Variants in SASH1 observed in about 807,000 individuals in gnomAD.
SASH1 encodes SAM and SH3 domain-containing protein 1.
SASH1 carries 44 observed loss-of-function variants against 125.2 expected under a neutral mutation model. That is an observed-to-expected ratio of 0.35 (90% CI 0.28 to 0.45). SASH1 has a LOEUF of 0.45. Among genes scored for constraint, SASH1 ranks in the 20% least tolerant of loss-of-function variants. SASH1 has a pLI of 1.00. For missense variants in SASH1, 1,426 were observed against 1,614.5 expected (o/e 0.88, Z 2.00); for synonymous variants, 639 against 649.1 (o/e 0.98, Z 0.24).
rs898780860 is a variant in SASH1 at position 148,460,124 on chromosome 6, T to G, written c.387-8421T>G. On this transcript the variant is annotated intron_variant, in intron 4 of 19. Transcript: ENST00000367467. ...AATGTTTAGTTACCTACAACCTCCA[T>G]ATGTCTAATGCAATTAGCAGGGGAT... Among the ~76,000 whole-genome samples the G allele has an allele frequency of 9.2e-5, 14 of 152,236 alleles. No individual in the cohort carries two copies. The East Asian group carries it at 2.7e-3, about 29-fold the overall frequency.
chr6:148,244,903 C>CAT, the SASH1 span, among the ~76,000 whole-genome samples: 1 of 78,236 alleles, frequency 1.3e-5, no homozygotes, highest in African/African-American at 5.6e-5. Context: ...AGGCCTGGGG[C>CAT]ATGTGTGTGT....
chr6:148,494,834 G>A (rs1431203942), intron 8 of SASH1, among the ~76,000 whole-genome samples: 7 of 152,266 alleles, frequency 4.6e-5, no homozygotes, highest in African/African-American at 1.2e-4. Flanking sequence ...ACAGAATGCC[G>A]TGGAGCTATT....
chr6:148,325,316 C>A (rs1489814987), intron 1 of SASH1, among the ~76,000 whole-genome samples: 1 of 151,090 alleles, frequency 6.6e-6, no homozygotes. Context: ...TACTCTGTTG[C>A]CCAGGCTGGA....
the SASH1 span, among the ~76,000 whole-genome samples, chr6:148,206,633 TA>T: frequency 6.6e-6 from 1 of 151,808 alleles, no homozygotes; most frequent in Non-Finnish European, 1.5e-5. Context: ...CTACTAAAAA[TA>T]CAAAAATTTG....
intron 2 of SASH1, among the ~76,000 whole-genome samples, chr6:148,397,028 A>AT (rs935536131): frequency 1.1e-4 from 17 of 152,174 alleles, no homozygotes; most frequent in Admixed American, 5.2e-4. Flanking sequence ...GAGTGCAGGG[A>AT]TTTTTTTAAT....
At chr6:148,369,966 C>CAAAAA (rs562924566) in intron 1 of SASH1, among the ~76,000 whole-genome samples, 60 of 93,542 alleles carry the variant, frequency 6.4e-4, no homozygotes, top group South Asian at 8.8e-4. Context: ...AAAAGAAAAA[C>CAAAAA]AAAAAAAAAA....
At chr6:148,311,110 C>CT (rs397951692) in intron 1 of SASH1, among the ~76,000 whole-genome samples, 1 of 79,804 alleles carries the variant, frequency 1.3e-5, no homozygotes, top group Non-Finnish European at 2.7e-5. Flanking sequence ...TTTTTTCTTT[C>CT]TTTTTTTTCC....
At chr6:148,403,279 TA>T (rs994268964) in intron 2 of SASH1, among the ~76,000 whole-genome samples, 9 of 151,598 alleles carry the variant, frequency 5.9e-5, no homozygotes, top group African/African-American at 2.2e-4. Context: ...AGAATATATA[TA>T]TATTTTAAGA....
chr6:148,291,626 T>C (rs1779635074), intron 1 of SASH1, among the ~76,000 whole-genome samples: 1 of 152,042 alleles, frequency 6.6e-6, no homozygotes, highest in African/African-American at 2.4e-5. Context: ...CAATGCTGCA[T>C]TGAGTTGTGA....
chr6:148,309,667 T>TAAA (rs34084896), intron 1 of SASH1, among the ~76,000 whole-genome samples: 1 of 138,902 alleles, frequency 7.2e-6, no homozygotes, highest in Non-Finnish European at 1.6e-5. Context: ...CATGTTGCTT[T>TAAA]AAAAAAAAAA....
intron 1 of SASH1, among the ~76,000 whole-genome samples, chr6:148,336,948 G>C (rs575647196): frequency 6.6e-6 from 1 of 152,276 alleles, no homozygotes; most frequent in South Asian, 2.1e-4. Flanking sequence ...ATTACATTTC[G>C]TATGTTGACA....
chr6:148,455,386 T>C (rs1248994398), intron 4 of SASH1, among the ~76,000 whole-genome samples: 1 of 152,208 alleles, frequency 6.6e-6, no homozygotes, highest in South Asian at 2.1e-4. Context: ...GCTGTTCAGC[T>C]GATGTGGGTA....
At chr6:148,236,013 TA>T in the SASH1 span, among the ~76,000 whole-genome samples, 1 of 152,168 alleles carries the variant, frequency 6.6e-6, no homozygotes, top group African/African-American at 2.4e-5. Context: ...TCATTATGAA[TA>T]TTAGGATTCA....
chr6:148,421,169 G>GAAAGAAAGAAAGAAAGAAAA (rs1562396505), intron 2 of SASH1, among the ~76,000 whole-genome samples: 11 of 124,936 alleles, frequency 8.8e-5, no homozygotes, highest in African/African-American at 2.5e-4. Flanking sequence ...AAGAAAGAAA[G>GAAAGAAAGAAAGAAAGAAAA]AAAGAAAGAA....
At position 148,484,581 on chromosome 6, in the gene SASH1, T is replaced by TA. The variant is rs1163560702; in HGVS notation, c.628-3023dup. On this transcript the variant is annotated intron_variant, in intron 7 of 19. Coordinates refer to ENST00000367467, the MANE Select transcript of SASH1 (RefSeq NM_015278.5). The stretch of plus-strand genomic sequence containing the variant: ...TTTTTTTTTTCCTGTGCAGTGCACT[T>TA]AAAAAAAAAATAGAGAGCTTGTTTT... Among the ~76,000 whole-genome samples the TA allele has an allele frequency of 1.8e-3, 267 of 147,840 alleles. 2 individuals carry two copies. Among genetic ancestry groups the TA allele is most frequent in the African/African-American group, 5.8e-3 (236 of 40,500 alleles).
the SASH1 span, among the ~76,000 whole-genome samples, chr6:148,206,368 C>G: frequency 6.6e-6 from 1 of 152,098 alleles, no homozygotes; most frequent in Non-Finnish European, 1.5e-5. Context: ...TTCACTAGTA[C>G]TAGTTTTCAT....
chr6:148,521,358 A>C (rs1031868820), intron 10 of SASH1, among the ~76,000 whole-genome samples: 1 of 152,248 alleles, frequency 6.6e-6, no homozygotes, highest in Non-Finnish European at 1.5e-5. Flanking sequence ...CTTCCCGTTC[A>C]TGAACAGGAT....
intron 2 of SASH1, among the ~76,000 whole-genome samples, chr6:148,410,076 G>T (rs1010574619): frequency 6.8e-6 from 1 of 147,298 alleles, no homozygotes; most frequent in Admixed American, 6.8e-5. Context: ...ATTGAACTAG[G>T]TAGGGTGTTT....
At chr6:148,451,545 C>G (rs2115043149) in intron 4 of SASH1, among the ~76,000 whole-genome samples, 1 of 152,120 alleles carries the variant, frequency 6.6e-6, no homozygotes, top group East Asian at 1.9e-4. Flanking sequence ...CGCCTGTAGT[C>G]CTAGCTACTC....
Sources: allele counts gnomAD v4.1 joint callset (sites outside exome capture counted in the v4.1 genomes callset), GRCh38; gene constraint gnomAD v4.1.1; transcripts MANE v1.5; gene names NCBI Gene and HGNC (gene_info 2026-07-23, HGNC 2026-07-21).